Variants in BTN2A1 observed in about 807,000 individuals in gnomAD.
The protein encoded by BTN2A1 is butyrophilin, subfamily 2, member A1.
In BTN2A1, 41 loss-of-function variants were observed where a neutral mutation model predicts 34.5. The ratio of observed to expected loss-of-function variants is 1.19; its 90% CI spans 0.93 to 1.54. BTN2A1 has a LOEUF of 1.54. Ranked by LOEUF, BTN2A1 falls within the 40% of genes most tolerant of loss-of-function variation. The pLI is 0.00. For synonymous variants in BTN2A1, 267 were observed against 258.6 expected (o/e 1.03, Z -0.31); for missense variants, 642 against 662.0 (o/e 0.97, Z 0.33).
In BTN2A1 at chr6:26,463,409, GCCTCTT is replaced by G. The variant is rs1350782877; in HGVS notation, c.598_603del (p.Leu200_Phe201del). 3 of 1,614,018 alleles carry G rather than the reference GCCTCTT, an allele frequency of 1.9e-6. No homozygotes were observed. The highest frequency in any genetic ancestry group is 2.5e-6 in the Non-Finnish European group (3 of 1,180,032). ...GAGGTCTCCATGCCTGATGCAGACG[GCCTCTT>G]CATGGTCACCACGGCTGTGATCATC... is the stretch of plus-strand genomic sequence containing the variant. On this transcript the variant is annotated inframe_deletion, in exon 4 of 8. Transcript: ENST00000312541.
At chr6:26,472,268 G>A (rs1166408824), downstream of BTN2A1, among the ~76,000 whole-genome samples, 2 of 152,166 alleles carry the variant, frequency 1.3e-5, no homozygotes, top group Admixed American at 6.5e-5. Context: ...TAAATAATCT[G>A]TCTGATAAAC....
chr6:26,474,455 TTTA>T (rs1303013595), downstream of BTN2A1, among the ~76,000 whole-genome samples: 1 of 152,232 alleles, frequency 6.6e-6, no homozygotes, highest in South Asian at 2.1e-4. Context: ...GTCTAAAGTT[TTTA>T]TTAACAACAG....
Position 26,468,855 on chromosome 6 carries a change from A to G in BTN2A1, c.*306A>G. 1 of 1,475,096 alleles carries G rather than the reference A, an allele frequency of 6.8e-7. No individual in the cohort carries two copies. The highest frequency in any genetic ancestry group is 9.1e-7 in the Non-Finnish European group (1 of 1,101,616). The allele number at this position is 1,475,096 out of a possible 1,614,324, so 91.4% of individuals were successfully genotyped here. A position where few individuals can be genotyped will look rare whatever the true frequency, so the allele number is the denominator to read the frequency against. On this transcript the variant is annotated 3_prime_UTR_variant, in exon 8 of 8. Coordinates refer to ENST00000312541, the MANE Select transcript of BTN2A1 (RefSeq NM_007049.5). ...TTGATGGGCAGCAAACCTGCTGTTTAACATCAGGGTGACCACATTAAGCCC... is the reference window on the plus strand; with the variant it reads ...TTGATGGGCAGCAAACCTGCTGTTTGACATCAGGGTGACCACATTAAGCCC...
Position 26,463,428 on chromosome 6 carries a change from G to T in BTN2A1, c.615G>T (p.Thr205=). 1 of 1,614,126 alleles carries T rather than the reference G, an allele frequency of 6.2e-7. No individual in the cohort carries two copies. Among genetic ancestry groups the T allele is most frequent in the East Asian group, 2.2e-5 (1 of 44,862 alleles). Reference sequence around the variant, plus strand: ...CAGACGGCCTCTTCATGGTCACCACGGCTGTGATCATCAGAGACAAGTCTG... The same window carrying T: ...CAGACGGCCTCTTCATGGTCACCACTGCTGTGATCATCAGAGACAAGTCTG... The part of the protein sequence containing the change: ...PDADGLFMVT[T]AVIIRDKSVR... Residue 205 remains threonine (T), a synonymous_variant, in exon 4 of 8, where the codon ACG becomes ACT. Coordinates refer to ENST00000312541, the MANE Select transcript of BTN2A1 (RefSeq NM_007049.5).
At chr6:26,463,163 G>C in intron 3 of BTN2A1, 81 bp from the exon 4 acceptor site, 3 of 1,428,760 alleles carry the variant, frequency 2.1e-6, no homozygotes, top group Non-Finnish European at 2.8e-6. Context: ...TTACTTTCTA[G>C]CTTCACAGAA....
At chr6:26,467,603 C>T (rs1290271713) in intron 7 of BTN2A1, 14 of 1,164,726 alleles carry the variant, frequency 1.2e-5, no homozygotes, top group South Asian at 1.1e-4. Context: ...TGAGTCACCA[C>T]GCCTGGCCAG....
intron 7 of BTN2A1, 78 bp from the exon 8 acceptor site, chr6:26,467,870 A>G (rs1763358233): frequency 3.3e-5 from 51 of 1,565,156 alleles, no homozygotes; most frequent in Non-Finnish European, 4.1e-5. Context: ...GATATCTGAG[A>G]CCTCTCTGGG....
chr6:26,458,543 A>G, intron 1 of BTN2A1, 64 bp from the exon 2 acceptor site: 3 of 1,312,062 alleles, frequency 2.3e-6, no homozygotes, highest in Non-Finnish European at 3.3e-6. Flanking sequence ...GTGACGGGAG[A>G]GGTTGGGCCC....
rs773258690 is a variant in BTN2A1, at chr6:26,463,313, C to T, written c.500C>T (p.Ser167Phe). 2 of 1,613,998 alleles carry T rather than the reference C, an allele frequency of 1.2e-6. No homozygotes were observed. Among genetic ancestry groups the T allele is most frequent in the Non-Finnish European group, 1.7e-6 (2 of 1,179,960 alleles). The change falls in exon 4 of 8, where the codon TCT becomes TTT. Residue 167 changes from serine (S) to phenylalanine (F), a missense_variant. Ser to Phe is a radical substitution (Grantham distance 155). Transcript: ENST00000312541. The stretch of plus-strand genomic sequence containing the variant: ...GGGGGCATCCGGCTGGAGTGCATAT[C>T]TAGAGGGTGGTACCCAAAGCCCCTC... ...EDGGIRLECISRGWYPKPLTV... is the reference protein window; with the variant it reads ...EDGGIRLECIFRGWYPKPLTV...
At position 26,458,821 on chromosome 6, in the gene BTN2A1, C is replaced by T. The variant is rs893303879; in HGVS notation, c.82+103C>T. The T allele has an allele frequency of 2.5e-5, 36 of 1,413,558 alleles. No homozygotes were observed. The Admixed American group carries it at 5.9e-4, about 23-fold the overall frequency. 87.6% of individuals were successfully genotyped at this position (1,413,558 alleles called of 1,614,324 possible). ...AAGGACTGTGGAGTTGTTGACTTAC[C>T]CTTTCATTCTGAACATGTTCATTGA... On this transcript the variant is annotated intron_variant, in intron 2 of 7. Transcript: ENST00000312541.
chr6:26,459,866 T>G, intron 3 of BTN2A1, 38 bp downstream of exon 3: 1 of 1,569,994 alleles, frequency 6.4e-7, no homozygotes, highest in Non-Finnish European at 8.7e-7. Context: ...TTTGGCACAG[T>G]GTGACTTTGG....
At chr6:26,465,480 T>G in intron 5 of BTN2A1, 74 bp downstream of exon 5, 1 of 1,438,612 alleles carries the variant, frequency 7.0e-7, no homozygotes, top group South Asian at 1.2e-5. Flanking sequence ...GCAGATCACT[T>G]GAGCCCTGGA....
At chr6:26,465,716 A>G (rs1201599686) in intron 5 of BTN2A1, 1 of 671,156 alleles carries the variant, frequency 1.5e-6, no homozygotes, top group Non-Finnish European at 1.8e-6. Context: ...CCCACCTTGC[A>G]TTCATTCATC....
chr6:26,459,933 C>A, intron 3 of BTN2A1, 105 bp downstream of exon 3: 4 of 289,924 alleles, frequency 1.4e-5, no homozygotes. Flanking sequence ...TTTGTCTGGA[C>A]TCCCTTTTCC....
At chr6:26,476,039 TTAGTG>T in intron 7 of BTN2A1, 2 of 1,123,034 alleles carry the variant, frequency 1.8e-6, no homozygotes, top group East Asian at 2.6e-5. Context: ...AGATTTTTTT[TTAGTG>T]TAGTGATTTC....
chr6:26,465,538 A>C, intron 5 of BTN2A1, 132 bp downstream of exon 5: 1 of 865,378 alleles, frequency 1.2e-6, no homozygotes, highest in Non-Finnish European at 1.8e-6. Context: ...TTAATTAAAA[A>C]AAAAAAGAAA....
chr6:26,466,278 A>G (rs952710667), intron 7 of BTN2A1, among the ~76,000 whole-genome samples, 190 bp downstream of exon 7: 2 of 152,190 alleles, frequency 1.3e-5, no homozygotes, highest in Admixed American at 6.5e-5. Context: ...GCAGCTCTCA[A>G]TCCACCCTAT....
In BTN2A1 at chr6:26,468,864, G is replaced by A; in HGVS notation, c.*315G>A. On this transcript the variant is annotated 3_prime_UTR_variant, in exon 8 of 8. Coordinates refer to ENST00000312541, the MANE Select transcript of BTN2A1 (RefSeq NM_007049.5). ...AGCAAACCTGCTGTTTAACATCAGGGTGACCACATTAAGCCCAGTATTCCA... is the reference window on the plus strand; with the variant it reads ...AGCAAACCTGCTGTTTAACATCAGGATGACCACATTAAGCCCAGTATTCCA... 1 of 1,449,912 alleles carries A rather than the reference G, an allele frequency of 6.9e-7. No individual in the cohort carries two copies. The highest frequency in any genetic ancestry group is 9.2e-7 in the Non-Finnish European group (1 of 1,087,524). The allele number at this position is 1,449,912 out of a possible 1,614,324, so 89.8% of individuals were successfully genotyped here. A position where few individuals can be genotyped will look rare whatever the true frequency, so the allele number is the denominator to read the frequency against.
chr6:26,468,587 C>G lies in BTN2A1; in HGVS notation c.*38C>G, dbSNP rs1259203762. On this transcript the variant is annotated 3_prime_UTR_variant, in exon 8 of 8. Transcript: ENST00000312541. ...GGTCTCACAGCCATGTAGACAAGCCCTGGTCATCTCAGCAGCCACCGCACA... is the reference window on the plus strand; with the variant it reads ...GGTCTCACAGCCATGTAGACAAGCCGTGGTCATCTCAGCAGCCACCGCACA... The G allele has an allele frequency of 6.2e-7, 1 of 1,614,028 alleles. No individual in the cohort carries two copies. Among genetic ancestry groups the G allele is most frequent in the African/African-American group, 1.3e-5 (1 of 74,898 alleles).
Sources: gnomAD v4.1 joint callset for allele counts (sites outside exome capture counted in the v4.1 genomes callset) on GRCh38, gnomAD v4.1.1 for gene constraint, MANE v1.5 for transcripts, NCBI Gene and HGNC (gene_info 2026-07-23, HGNC 2026-07-21) for gene names.